STAB2: variants seen among roughly 807,000 people sequenced by gnomAD.
The protein encoded by STAB2 is stabilin-2.
STAB2 carries 288 observed loss-of-function variants against 338.1 expected under a neutral mutation model. That is an observed-to-expected ratio of 0.85 (90% CI 0.77 to 0.94). The LOEUF is 0.94. Among genes scored for constraint, STAB2 ranks in the 40% least tolerant of loss-of-function variants. The pLI is 0.00. For synonymous variants in STAB2, 1,202 were observed against 1,193.3 expected (o/e 1.01, Z -0.15); for missense variants, 3,141 against 3,210.1 (o/e 0.98, Z 0.52).
At chr12:103,750,029 CCA>C (rs1208650279) in intron 59 of STAB2, among the ~76,000 whole-genome samples, 2 of 152,036 alleles carry the variant, frequency 1.3e-5, no homozygotes, top group African/African-American at 2.4e-5. Flanking sequence ...TCTCTGAGCC[CCA>C]GTTTTCTCAT....
intron 41 of STAB2, 29 bp downstream of exon 41, chr12:103,712,472 G>A (rs3763994): frequency 2.9e-5 from 46 of 1,561,788 alleles, no homozygotes; most frequent in East Asian, 2.2e-4. Flanking sequence ...TTGCTGGGGG[G>A]GCTGGCAAGG....
intron 2 of STAB2, among the ~76,000 whole-genome samples, chr12:103,593,100 C>T (rs926545805): frequency 6.6e-6 from 1 of 152,136 alleles, no homozygotes; most frequent in African/African-American, 2.4e-5. Flanking sequence ...CATGTCTTGG[C>T]TATTGTGAAT....
At chr12:103,666,859 AT>A (rs1421895598) in intron 19 of STAB2, among the ~76,000 whole-genome samples, 2 of 152,240 alleles carry the variant, frequency 1.3e-5, no homozygotes, top group Non-Finnish European at 2.9e-5. Flanking sequence ...GTACACATTT[AT>A]TGAGGATTGA....
intron 1 of STAB2, among the ~76,000 whole-genome samples, chr12:103,590,171 A>T (rs1956774447): frequency 6.6e-6 from 1 of 152,196 alleles, no homozygotes; most frequent in African/African-American, 2.4e-5. Context: ...TGGATCATTC[A>T]ATTTAGTAGT....
At chr12:103,682,317 C>T (rs906969252) in intron 25 of STAB2, among the ~76,000 whole-genome samples, 2 of 152,154 alleles carry the variant, frequency 1.3e-5, no homozygotes, top group Admixed American at 1.3e-4. Context: ...TGCACAATTA[C>T]AGAAATCAGG....
intron 38 of STAB2, 78 bp from the exon 39 acceptor site, chr12:103,708,363 A>G: frequency 6.9e-7 from 1 of 1,456,918 alleles, no homozygotes; most frequent in Non-Finnish European, 9.6e-7. Context: ...AGTGCAATAA[A>G]GCAAACCTAG....
At chr12:103,734,739 T>G (rs1881968979) in intron 51 of STAB2, among the ~76,000 whole-genome samples, 1 of 151,368 alleles carries the variant, frequency 6.6e-6, no homozygotes, top group Non-Finnish European at 1.5e-5. Flanking sequence ...ACAGAAGTGG[T>G]TTTTTTTTGT....
chr12:103,634,075 T>C (rs1957506491), intron 6 of STAB2, among the ~76,000 whole-genome samples: 1 of 152,210 alleles, frequency 6.6e-6, no homozygotes, highest in South Asian at 2.1e-4. Context: ...TTCCCACCAG[T>C]AGGAAATTGG....
At chr12:103,756,622 G>A (rs958472605) in intron 63 of STAB2, among the ~76,000 whole-genome samples, 1 of 152,178 alleles carries the variant, frequency 6.6e-6, no homozygotes, top group African/African-American at 2.4e-5. Flanking sequence ...CAGACTGCCT[G>A]GTTCCAGCCT....
intron 10 of STAB2, among the ~76,000 whole-genome samples, chr12:103,649,068 G>C (rs1873544578): frequency 1.3e-5 from 2 of 152,154 alleles, no homozygotes; most frequent in African/African-American, 4.8e-5. Flanking sequence ...AGGGTTTGGG[G>C]GTCGCCATAG....
At chr12:103,752,900 T>C (rs1291292531) in intron 60 of STAB2, among the ~76,000 whole-genome samples, 2 of 152,176 alleles carry the variant, frequency 1.3e-5, no homozygotes, top group Non-Finnish European at 2.9e-5. Context: ...AAAAATAAAG[T>C]AAAATTCTAG....
intron 53 of STAB2, 24 bp from the exon 54 acceptor site, chr12:103,739,388 A>C: frequency 6.4e-7 from 1 of 1,559,810 alleles, no homozygotes; most frequent in Non-Finnish European, 8.7e-7. Context: ...TTGGTTTTCA[A>C]GTGTTTCTTT....
intron 22 of STAB2, 71 bp downstream of exon 22, chr12:103,670,878 G>C: frequency 8.7e-6 from 11 of 1,270,540 alleles, no homozygotes; most frequent in South Asian, 1.3e-5. Context: ...CAGGGTGCTG[G>C]TGCAGGGCTG....
intron 9 of STAB2, among the ~76,000 whole-genome samples, chr12:103,642,759 C>G (rs1011226184): frequency 7.2e-5 from 11 of 152,188 alleles, no homozygotes; most frequent in African/African-American, 2.4e-4. Context: ...CTGGGCCCCC[C>G]ACTAGACCAC....
At chr12:103,713,927 G>A (rs775676349) in intron 42 of STAB2, among the ~76,000 whole-genome samples, 159 bp downstream of exon 42, 1 of 152,354 alleles carries the variant, frequency 6.6e-6, no homozygotes, top group South Asian at 2.1e-4. Flanking sequence ...AGTGACCACA[G>A]GGTATGAAGG....
At chr12:103,733,983 T>C (rs904533779) in intron 51 of STAB2, among the ~76,000 whole-genome samples, 4 of 140,564 alleles carry the variant, frequency 2.8e-5, no homozygotes, top group Admixed American at 7.4e-5. Flanking sequence ...AGCACAGTCA[T>C]ATAGGAGCAA....
chr12:103,650,392 A>T (rs1246475715), intron 10 of STAB2, 104 bp from the exon 11 acceptor site: 1 of 850,866 alleles, frequency 1.2e-6, no homozygotes. Context: ...AGAGAAGGGC[A>T]TAAATGGACC....
chr12:103,667,047 G>T (rs1211890840), intron 19 of STAB2, among the ~76,000 whole-genome samples: 4 of 152,182 alleles, frequency 2.6e-5, no homozygotes, highest in African/African-American at 9.7e-5. Flanking sequence ...AGGCAAAAAT[G>T]ATGATAGAAA....
chr12:103,618,676 T>G (rs1187338004), intron 3 of STAB2, among the ~76,000 whole-genome samples: 3 of 152,226 alleles, frequency 2.0e-5, no homozygotes, highest in Non-Finnish European at 4.4e-5. Context: ...CCTTGCCAGC[T>G]GGGTGACTTT....
Sources: gnomAD v4.1 joint callset for allele counts (sites outside exome capture counted in the v4.1 genomes callset) on GRCh38, gnomAD v4.1.1 for gene constraint, MANE v1.5 for transcripts, NCBI Gene and HGNC (gene_info 2026-07-23, HGNC 2026-07-21) for gene names.